Variants in AK4 observed in about 807,000 individuals in gnomAD.
AK4 encodes the protein adenylate kinase 4, mitochondrial.
AK4 carries 13 observed loss-of-function variants against 24.6 expected under a neutral mutation model. That is an observed-to-expected ratio of 0.53 (90% CI 0.34 to 0.84). The LOEUF (loss-of-function observed/expected upper bound fraction) is 0.84, where lower values mean the gene tolerates loss of function less well. Among genes scored for constraint, AK4 ranks in the 40% least tolerant of loss-of-function variants. AK4 has a pLI of 0.01. For synonymous variants in AK4, 88 were observed against 107.0 expected (o/e 0.82, Z 1.10); for missense variants, 192 against 288.2 (o/e 0.67, Z 2.42).
intron 1 of AK4, among the ~76,000 whole-genome samples, chr1:65,178,925 T>G (rs901773071): frequency 2.6e-5 from 4 of 152,168 alleles, no homozygotes; most frequent in African/African-American, 9.7e-5. Context: ...CTAAGGAGTA[T>G]TCATCCATGC....
intron 1 of AK4, among the ~76,000 whole-genome samples, chr1:65,183,039 A>G (rs1570099396): frequency 6.6e-6 from 1 of 152,280 alleles, no homozygotes; most frequent in South Asian, 2.1e-4. Context: ...AACAGGCCTC[A>G]TGCTAGATTG....
intron 2 of AK4, among the ~76,000 whole-genome samples, chr1:65,201,378 G>A (rs1362121032): frequency 3.3e-5 from 5 of 152,100 alleles, no homozygotes; most frequent in Admixed American, 2.6e-4. Flanking sequence ...AGGAACAGTT[G>A]TACCACAGTA....
At position 65,184,479 on chromosome 1, in the gene AK4, C is replaced by T. The variant is rs190273572; in HGVS notation, c.146-6231C>T. On this transcript the variant is annotated intron_variant, in intron 1 of 4. Transcript: ENST00000327299. ...AAAGATAGTGGCCTCTTTGGGGCAC[C>T]CTATATTTATTACATTTATTTGAAA... Among the ~76,000 whole-genome samples the T allele has an allele frequency of 3.0e-3, 460 of 152,020 alleles. 3 individuals carry two copies. Among genetic ancestry groups the T allele is most frequent in the Non-Finnish European group, 3.9e-3 (268 of 67,992 alleles).
chr1:65,194,932 C>T (rs1170133269), intron 2 of AK4, among the ~76,000 whole-genome samples: 6 of 152,142 alleles, frequency 3.9e-5, no homozygotes, highest in East Asian at 1.9e-4. Flanking sequence ...AAGCTATGAC[C>T]GCATTTTTAG....
intron 2 of AK4, among the ~76,000 whole-genome samples, chr1:65,205,685 G>T (rs1651790438): frequency 6.6e-6 from 1 of 152,086 alleles, no homozygotes; most frequent in African/African-American, 2.4e-5. Flanking sequence ...CTGCAATTCA[G>T]TTCTTTCCTT....
intron 1 of AK4, among the ~76,000 whole-genome samples, chr1:65,173,445 G>T (rs1397331840): frequency 6.6e-6 from 1 of 152,038 alleles, no homozygotes; most frequent in Non-Finnish European, 1.5e-5. Flanking sequence ...CTCTAATACT[G>T]GGTATTTTCT....
intron 1 of AK4, among the ~76,000 whole-genome samples, chr1:65,172,855 ATTTTTT>A (rs11408059): frequency 1.4e-4 from 16 of 110,918 alleles, no homozygotes; most frequent in African/African-American, 4.6e-4. Flanking sequence ...CCAGCAAGAG[ATTTTTT>A]TTTTTTTTTT....
chr1:65,224,942 G>A, intron 4 of AK4, 72 bp downstream of exon 4: 1 of 1,174,608 alleles, frequency 8.5e-7, no homozygotes, highest in Non-Finnish European at 1.3e-6. Flanking sequence ...GAGGAACACG[G>A]GGCTGAGGCA....
chr1:65,203,582 T>A (rs886994078), intron 2 of AK4, among the ~76,000 whole-genome samples: 3 of 152,050 alleles, frequency 2.0e-5, no homozygotes, highest in African/African-American at 7.2e-5. Context: ...GGTGGGTGGA[T>A]CACTTGAGAT....
At chr1:65,169,744 G>A (rs1197852174) in intron 1 of AK4, among the ~76,000 whole-genome samples, 2 of 152,124 alleles carry the variant, frequency 1.3e-5, no homozygotes, top group Non-Finnish European at 2.9e-5. Context: ...TGAGGGTGAA[G>A]TAAGACTAAG....
rs900286522 is a variant in AK4 at position 65,229,197 on chromosome 1, T to A, written c.*3020T>A. On this transcript the variant is annotated 3_prime_UTR_variant, in exon 5 of 5. Transcript: ENST00000327299. Reference sequence around the variant, plus strand: ...CCTGGATGTTATTAATAGCTAATTGTGTCCAAGCAACCAAGGGCCTTGAGT... The same window carrying A: ...CCTGGATGTTATTAATAGCTAATTGAGTCCAAGCAACCAAGGGCCTTGAGT... 3 of 152,116 alleles carry A rather than the reference T, an allele frequency of 2.0e-5. No homozygotes were observed. The highest frequency in any genetic ancestry group is 2.9e-5 in the Non-Finnish European group (2 of 68,030). 9.4% of individuals were successfully genotyped at this position (152,116 alleles called of 1,614,324 possible).
intron 1 of AK4, among the ~76,000 whole-genome samples, chr1:65,190,290 T>C (rs1462009010): frequency 6.6e-6 from 1 of 151,670 alleles, no homozygotes; most frequent in East Asian, 1.9e-4. Context: ...GGTCTCCTCC[T>C]GTTGCCCAGG....
chr1:65,191,092 C>T (rs576685911), intron 2 of AK4, among the ~76,000 whole-genome samples: 5 of 152,266 alleles, frequency 3.3e-5, no homozygotes, highest in Admixed American at 2.0e-4. Context: ...CTTTTGTTTC[C>T]GTAAGCCATC....
chr1:65,230,039 CTG>C lies in AK4; in HGVS notation c.*3863_*3864del, dbSNP rs1652587343. The C allele has an allele frequency of 2.0e-5, 3 of 151,540 alleles. No homozygotes were observed. Among genetic ancestry groups the C allele is most frequent in the African/African-American group, 7.2e-5 (3 of 41,414 alleles). 9.4% of individuals were successfully genotyped at this position (151,540 alleles called of 1,614,324 possible). A position where few individuals can be genotyped will look rare whatever the true frequency, so the allele number is the denominator to read the frequency against. On this transcript the variant is annotated 3_prime_UTR_variant, in exon 5 of 5. Coordinates refer to ENST00000327299, the MANE Select transcript of AK4 (RefSeq NM_013410.4). ...TATTCCATTACACATTAACATGACT[CTG>C]AATGCCAGATCCAAACCTTTGCCCA...
intron 1 of AK4, among the ~76,000 whole-genome samples, chr1:65,177,239 A>AGTGATCG (rs758601212): frequency 0.52 from 79,131 of 152,026 alleles, 24,876 homozygotes; most frequent in African/African-American, 0.88. Flanking sequence ...CTCAGAGACC[A>AGTGATCG]GTGACTAATA....
chr1:65,152,969 T>C (rs1027826502), intron 1 of AK4, among the ~76,000 whole-genome samples: 9 of 152,206 alleles, frequency 5.9e-5, no homozygotes, highest in Non-Finnish European at 7.3e-5. Flanking sequence ...ATCCTTTTTA[T>C]AGATCATACA....
At chr1:65,177,736 G>C (rs1267433305) in intron 1 of AK4, among the ~76,000 whole-genome samples, 1 of 152,124 alleles carries the variant, frequency 6.6e-6, no homozygotes, top group Non-Finnish European at 1.5e-5. Flanking sequence ...AAGAGATCAG[G>C]CTTGGGATCC....
At chr1:65,215,721 A>AT (rs1397901596) in intron 2 of AK4, among the ~76,000 whole-genome samples, 1 of 152,188 alleles carries the variant, frequency 6.6e-6, no homozygotes. Flanking sequence ...AGTTCAGCCT[A>AT]TTTTGTACAC....
chr1:65,216,717 C>A lies in AK4; in HGVS notation c.266-2037C>A, dbSNP rs879850563. Reference sequence around the variant, plus strand: ...TTTTTTTCTTTTTGAGACAGGAGCTCACTATCTCACTCTGTCACCCAGGCT... The same window carrying A: ...TTTTTTTCTTTTTGAGACAGGAGCTAACTATCTCACTCTGTCACCCAGGCT... On this transcript the variant is annotated intron_variant, in intron 2 of 4. Transcript: ENST00000327299. Among the ~76,000 whole-genome samples the A allele has an allele frequency of 9.5e-5, 13 of 136,432 alleles. 1 individual carries two copies. The highest frequency in any genetic ancestry group is 2.0e-4 in the African/African-American group (6 of 30,058). 89.5% of individuals were successfully genotyped at this position (136,432 alleles called of 152,430 possible). A position where few individuals can be genotyped will look rare whatever the true frequency, so the allele number is the denominator to read the frequency against.
Sources: gnomAD v4.1 joint callset for allele counts (sites outside exome capture counted in the v4.1 genomes callset) on GRCh38, gnomAD v4.1.1 for gene constraint, MANE v1.5 for transcripts, NCBI Gene and HGNC (gene_info 2026-07-23, HGNC 2026-07-21) for gene names.